NAV2: variants seen among roughly 807,000 people sequenced by gnomAD.
NAV2 encodes the protein neuron navigator 2.
A neutral mutation model predicts 223.2 loss-of-function variants in NAV2; 54 were observed. That is an observed-to-expected ratio of 0.24 (90% CI 0.19 to 0.30). The LOEUF is 0.30. NAV2 is among the 10% of genes least tolerant of loss of function. The pLI, the probability that NAV2 is intolerant of heterozygous loss-of-function variation, is 1.00. For synonymous variants in NAV2, 1,279 were observed against 1,239.3 expected (o/e 1.03, Z -0.67); for missense variants, 2,806 against 3,147.5 (o/e 0.89, Z 2.60).
intron 10 of NAV2, among the ~76,000 whole-genome samples, chr11:19,968,667 G>A (rs907061587): frequency 3.9e-5 from 6 of 152,180 alleles, no homozygotes; most frequent in African/African-American, 9.7e-5. Context: ...AAGTGGAAGC[G>A]TTTGAACAAG....
chr11:20,092,978 C>CCCCCCCCCT, intron 28 of NAV2, 121 bp from the exon 29 acceptor site: 2 of 202,880 alleles, frequency 9.9e-6, no homozygotes, highest in Non-Finnish European at 1.1e-5. Flanking sequence ...CCCCTACCCC[C>CCCCCCCCCT]CCACCCCCTG....
chr11:19,979,141 C>T (rs1196919028), intron 10 of NAV2: 1 of 152,116 alleles, frequency 6.6e-6, no homozygotes, highest in Non-Finnish European at 1.5e-5. Flanking sequence ...CTGGCCAGCT[C>T]CCAGAGGTCT....
intron 4 of NAV2, among the ~76,000 whole-genome samples, chr11:19,869,579 C>T (rs918979167): frequency 7.9e-5 from 12 of 152,106 alleles, no homozygotes; most frequent in African/African-American, 2.4e-4. Flanking sequence ...ATGGCTGGTT[C>T]GAATTCTCAG....
chr11:19,777,526 G>A lies in NAV2; in HGVS notation c.268-54958G>A, dbSNP rs1053701021. ...ACACCACCATGAAGCTGGTAAGGGT[G>A]GATTGCAGACCGCACCCCCTGGGCG... On this transcript the variant is annotated intron_variant, in intron 1 of 37. Coordinates refer to ENST00000349880, the MANE Select transcript of NAV2 (RefSeq NM_145117.5). The A allele has an allele frequency of 5.9e-5, 27 of 455,484 alleles. No homozygotes were observed. The Middle Eastern group carries it at 9.7e-4, about 16-fold the overall frequency. 28.2% of individuals were successfully genotyped at this position (455,484 alleles called of 1,614,324 possible).
In NAV2 at chr11:19,659,657, A is replaced by G. The variant is rs568154430; in HGVS notation, c.76-172827A>G. ...AAGCTAAGAGATTGATATGGGCTGC[A>G]AGGTTAGAAAGAGGGTGGACTCAAG... On this transcript the variant is annotated intron_variant, in intron 1 of 37. Coordinates refer to the NAV2 transcript ENST00000360655. 3.9e-4 allele frequency among the ~76,000 whole-genome samples: 60 copies of G among 152,252 alleles called. No homozygotes were observed. In the South Asian group the frequency reaches 0.012, roughly 32 times the overall value.
intron 1 of NAV2, among the ~76,000 whole-genome samples, chr11:19,516,713 G>A (rs1476547421): frequency 1.3e-5 from 2 of 152,174 alleles, no homozygotes; most frequent in Admixed American, 1.3e-4. Context: ...GGAGAAATGA[G>A]GACGGCAATA....
At chr11:19,380,714 C>G (rs1442419888) in intron 1 of NAV2, 2 of 152,224 alleles carry the variant, frequency 1.3e-5, no homozygotes. Context: ...AAATACAAAG[C>G]CAATCATGCT....
intron 1 of NAV2, among the ~76,000 whole-genome samples, chr11:19,819,311 G>A (rs916240265): frequency 2.0e-5 from 3 of 152,196 alleles, no homozygotes; most frequent in Admixed American, 2.0e-4. Flanking sequence ...GCTTTACGGG[G>A]ACTGACATTT....
intron 5 of NAV2, among the ~76,000 whole-genome samples, chr11:19,886,640 T>C (rs1347115203): frequency 6.6e-6 from 1 of 152,184 alleles, no homozygotes; most frequent in East Asian, 1.9e-4. Context: ...TCCCACGATG[T>C]GCTCAGTCCT....
At chr11:19,359,302 A>T (rs1360545877) in intron 1 of NAV2, among the ~76,000 whole-genome samples, 2 of 152,130 alleles carry the variant, frequency 1.3e-5, no homozygotes, top group Admixed American at 6.5e-5. Context: ...ACCCAGTTTT[A>T]TTATTGTGAA....
rs149205796 is a variant in NAV2, at chr11:19,562,718, G to A, written c.75+211691G>A. 1.6e-4 allele frequency among the ~76,000 whole-genome samples: 25 copies of A among 152,282 alleles called. 1 individual carries two copies. The East Asian group carries it at 4.8e-3, about 29-fold the overall frequency. On this transcript the variant is annotated intron_variant, in intron 1 of 37. Transcript: ENST00000360655. ...AGAAAAATGAAGGCCCTGTGCTGGT[G>A]TGGATTTACGCAGCACTAAAGCAAT...
chr11:19,464,810 A>C (rs1338057704), intron 1 of NAV2, among the ~76,000 whole-genome samples: 1 of 152,256 alleles, frequency 6.6e-6, no homozygotes, highest in Non-Finnish European at 1.5e-5. Context: ...AATGGACTGC[A>C]TCCCTACAGT....
chr11:19,621,203 G>A (rs996029491), intron 1 of NAV2, among the ~76,000 whole-genome samples: 1 of 152,176 alleles, frequency 6.6e-6, no homozygotes, highest in African/African-American at 2.4e-5. Context: ...GTTCATCAGG[G>A]ATATTGGTCT....
intron 1 of NAV2, among the ~76,000 whole-genome samples, chr11:19,621,336 G>C (rs1043210395): frequency 6.6e-6 from 1 of 152,150 alleles, no homozygotes; most frequent in Admixed American, 6.5e-5. Flanking sequence ...AATGGTACCA[G>C]CTCCTCCTTA....
chr11:19,788,260 T>C (rs2057282294), intron 1 of NAV2, among the ~76,000 whole-genome samples: 2 of 152,160 alleles, frequency 1.3e-5, no homozygotes, highest in Non-Finnish European at 2.9e-5. Flanking sequence ...CACCCAGTCA[T>C]GACAATCAAA....
At chr11:19,524,313 C>T (rs1278229674) in intron 1 of NAV2, among the ~76,000 whole-genome samples, 1 of 152,224 alleles carries the variant, frequency 6.6e-6, no homozygotes, top group Non-Finnish European at 1.5e-5. Context: ...TGTGATGTCA[C>T]TTGGCCACCT....
At chr11:19,756,527 G>T (rs2054246624) in intron 1 of NAV2, among the ~76,000 whole-genome samples, 1 of 152,188 alleles carries the variant, frequency 6.6e-6, no homozygotes, top group Admixed American at 6.5e-5. Flanking sequence ...AAACCCCCAG[G>T]AATCTGATTG....
At chr11:19,419,022 T>A (rs934003760) in intron 1 of NAV2, among the ~76,000 whole-genome samples, 1 of 152,012 alleles carries the variant, frequency 6.6e-6, no homozygotes, top group Non-Finnish European at 1.5e-5. Flanking sequence ...TAATAGGGAC[T>A]CAAGGAGGGT....
At chr11:20,105,446 T>C (rs760412780) in intron 34 of NAV2, 85 bp from the exon 35 acceptor site, 13 of 1,126,890 alleles carry the variant, frequency 1.2e-5, no homozygotes, top group Non-Finnish European at 1.6e-5. Flanking sequence ...ATACACCTTC[T>C]GTTTCTAACG....
Sources: allele counts gnomAD v4.1 joint callset (sites outside exome capture counted in the v4.1 genomes callset), GRCh38; gene constraint gnomAD v4.1.1; transcripts MANE v1.5; gene names NCBI Gene and HGNC (gene_info 2026-07-23, HGNC 2026-07-21).